The following PHF14 variants were observed in gnomAD, a reference collection of about 807,000 sequenced individuals.
PHF14 encodes PHD finger protein 14.
PHF14 carries 55 observed loss-of-function variants against 117.9 expected under a neutral mutation model. The ratio of observed to expected loss-of-function variants is 0.47; its 90% CI spans 0.38 to 0.58. PHF14 has a LOEUF of 0.58. Among genes scored for constraint, PHF14 ranks in the 20% least tolerant of loss-of-function variants. The pLI is 0.00. For missense variants in PHF14, 978 were observed against 1,122.2 expected (o/e 0.87, Z 1.84); for synonymous variants, 409 against 368.6 (o/e 1.11, Z -1.26).
At chr7:11,105,375 C>T in intron 16 of PHF14, 1 of 952,158 alleles carries the variant, frequency 1.1e-6, no homozygotes, top group Non-Finnish European at 1.3e-6. Context: ...TTAATGAAAA[C>T]CACTGGTTTT....
At chr7:11,087,361 T>TACTAAATAGCTGGCATATACTAAAAATTA in intron 16 of PHF14, among the ~76,000 whole-genome samples, 1 of 152,164 alleles carries the variant, frequency 6.6e-6, no homozygotes, top group Non-Finnish European at 1.5e-5. Flanking sequence ...CCAGCTAATT[T>TACTAAATAGCTGGCATATACTAAAAATTA]TTATATTTTT....
rs1048100754 is a variant in PHF14, at chr7:11,104,799, C to T, written c.2655-6551C>T. 20 of 703,448 alleles carry T rather than the reference C, an allele frequency of 2.8e-5. No individual in the cohort carries two copies. The South Asian group carries it at 1.1e-3, about 39-fold the overall frequency. 43.6% of individuals were successfully genotyped at this position (703,448 alleles called of 1,614,324 possible). A position where few individuals can be genotyped will look rare whatever the true frequency, so the allele number is the denominator to read the frequency against. ...AGTTTCTGATTTAGTAGAAAATTTG[C>T]ATTTCTAACAAGTTCCCAGCTGATG... On this transcript the variant is annotated intron_variant, in intron 16 of 17. Transcript: ENST00000634607.
Position 10,982,860 on chromosome 7 carries a change from A to G in PHF14, c.601A>G (p.Asn201Asp). ...LLDFVSMEELNDMDDYDSEDD... is the reference protein window; with the variant it reads ...LLDFVSMEELDDMDDYDSEDD... ...GGATTTTGTGTCCATGGAAGAGCTG[A>G]ATGACATGGATGACTATGACAGTGA... Residue 201 changes from asparagine to aspartate, a missense_variant, in exon 3 of 18, where the codon AAT becomes GAT. Asn to Asp is a conservative substitution (Grantham distance 23, BLOSUM62 1). Coordinates refer to ENST00000634607, the MANE Select transcript of PHF14 (RefSeq NM_001007157.2). 6.2e-7 allele frequency: 1 copy of G among 1,613,796 alleles called. No homozygotes were observed. The highest frequency in any genetic ancestry group is 1.1e-5 in the South Asian group (1 of 91,068).
rs116353334 is a variant in PHF14, at chr7:11,121,729, A to G, written c.2772+10262A>G. 6.5e-3 allele frequency among the ~76,000 whole-genome samples: 983 copies of G among 152,242 alleles called. 14 individuals carry two copies. Among genetic ancestry groups the G allele is most frequent in the African/African-American group, 0.021 (874 of 41,548 alleles). ...CTAACGAGCAGGTAGCACATACAGT[A>G]TGGACATATTCTGGGCAAAGGAATG... On this transcript the variant is annotated intron_variant, in intron 17 of 17. Coordinates refer to ENST00000634607, the MANE Select transcript of PHF14 (RefSeq NM_001007157.2).
chr7:11,020,918 T>C (rs1002823899), intron 5 of PHF14, among the ~76,000 whole-genome samples: 1 of 152,160 alleles, frequency 6.6e-6, no homozygotes, highest in African/African-American at 2.4e-5. Flanking sequence ...CTTTATAACT[T>C]CCAAACTACC....
chr7:11,038,945 TAACCGAAG>T (rs1784410181), intron 11 of PHF14, 90 bp downstream of exon 11: 2 of 535,316 alleles, frequency 3.7e-6, no homozygotes. Context: ...GTCATTTGAC[TAACCGAAG>T]AATTCTGTTT....
At position 11,043,061 on chromosome 7, in the gene PHF14, C is replaced by T. The variant is rs556920887; in HGVS notation, c.2312+247C>T. Among the ~76,000 whole-genome samples, 8 of 151,962 alleles carry T rather than the reference C, an allele frequency of 5.3e-5. No homozygotes were observed. In the South Asian group the frequency reaches 1.7e-3, roughly 32 times the overall value. Reference sequence around the variant, plus strand: ...TTTAAGGCATGAATTCTGTCCATTGCTTATAATTCTCTTGTTTTATTGTTC... The same window carrying T: ...TTTAAGGCATGAATTCTGTCCATTGTTTATAATTCTCTTGTTTTATTGTTC... On this transcript the variant is annotated intron_variant, in intron 13 of 17. Coordinates refer to ENST00000634607, the MANE Select transcript of PHF14 (RefSeq NM_001007157.2).
intron 13 of PHF14, among the ~76,000 whole-genome samples, chr7:11,043,455 T>A (rs949454816): frequency 3.9e-5 from 6 of 152,114 alleles, no homozygotes; most frequent in Admixed American, 2.0e-4. Flanking sequence ...AGGAAAACTT[T>A]GGAATGAACA....
At chr7:11,114,485 G>A (rs1173790572) in intron 17 of PHF14, among the ~76,000 whole-genome samples, 2 of 152,018 alleles carry the variant, frequency 1.3e-5, no homozygotes, top group East Asian at 1.9e-4. Flanking sequence ...CATCATATCT[G>A]AATTCATAAT....
chr7:11,144,270 G>A (rs1363744200), intron 17 of PHF14, among the ~76,000 whole-genome samples: 1 of 152,036 alleles, frequency 6.6e-6, no homozygotes, highest in Non-Finnish European at 1.5e-5. Context: ...TGGTGGTAAT[G>A]TAAATTCATG....
chr7:11,043,426 G>A (rs894906864), intron 13 of PHF14, among the ~76,000 whole-genome samples: 6 of 151,934 alleles, frequency 3.9e-5, no homozygotes, highest in Admixed American at 2.6e-4. Flanking sequence ...ATTTCTCATA[G>A]GAAGGAGAAT....
intron 6 of PHF14, among the ~76,000 whole-genome samples, chr7:11,027,483 C>T (rs1783965205): frequency 1.3e-5 from 2 of 151,884 alleles, no homozygotes; most frequent in African/African-American, 4.8e-5. Flanking sequence ...ATTTCTGTTA[C>T]CAGAGTAGTT....
At chr7:11,168,513 CAG>C (rs1230455143) in intron 17 of PHF14, among the ~76,000 whole-genome samples, 13 of 152,188 alleles carry the variant, frequency 8.5e-5, no homozygotes, top group African/African-American at 3.1e-4. Flanking sequence ...TCATCAGATA[CAG>C]AGATAGAGTG....
intron 4 of PHF14, among the ~76,000 whole-genome samples, chr7:10,997,520 A>T (rs1004754802): frequency 3.9e-5 from 6 of 152,232 alleles, no homozygotes; most frequent in Admixed American, 1.3e-4. Flanking sequence ...ATTATTTCAC[A>T]TGATTTCTAA....
Position 11,023,569 on chromosome 7 carries a change from G to C in PHF14, c.1317+590G>C, listed in dbSNP as rs543036128. 6.6e-5 allele frequency among the ~76,000 whole-genome samples: 10 copies of C among 152,318 alleles called. No individual in the cohort carries two copies. In the South Asian group the frequency reaches 2.1e-3, roughly 32 times the overall value. On this transcript the variant is annotated intron_variant, in intron 6 of 17. Coordinates refer to ENST00000634607, the MANE Select transcript of PHF14 (RefSeq NM_001007157.2). Reference sequence around the variant, plus strand: ...CAATTAGGGCTGGGTGCTCACGCCTGTTATCCCAGCACTTCGGGAGGCCAA... The same window carrying C: ...CAATTAGGGCTGGGTGCTCACGCCTCTTATCCCAGCACTTCGGGAGGCCAA...
intron 4 of PHF14, among the ~76,000 whole-genome samples, chr7:11,000,916 G>A (rs1782847638): frequency 6.6e-6 from 1 of 151,880 alleles, no homozygotes. Context: ...TTTTGGTCTT[G>A]TATCTAAAAA....
chr7:11,061,767 G>T lies in PHF14; in HGVS notation c.2482-24G>T, dbSNP rs28631230. On this transcript the variant is annotated intron_variant, in intron 14 of 17. Transcript: ENST00000634607. ...GATATACTGTGGATTTTTGTTTTTTGTTTTTTTTTTTGTTTTTTTCCAGAG... is the reference window on the plus strand; with the variant it reads ...GATATACTGTGGATTTTTGTTTTTTTTTTTTTTTTTTGTTTTTTTCCAGAG... 5.6e-5 allele frequency: 65 copies of T among 1,157,514 alleles called. No individual in the cohort carries two copies. In the African/African-American group the frequency reaches 7.8e-4, roughly 14 times the overall value. The allele number at this position is 1,157,514 out of a possible 1,614,324, so 71.7% of individuals were successfully genotyped here.
chr7:11,090,352 G>A (rs1255349725), intron 16 of PHF14, among the ~76,000 whole-genome samples: 1 of 152,130 alleles, frequency 6.6e-6, no homozygotes, highest in Admixed American at 6.5e-5. Context: ...GCCTACAAAG[G>A]ACTAAATCAA....
intron 7 of PHF14, among the ~76,000 whole-genome samples, chr7:11,034,560 TTTTTTTG>T (rs1784246117): frequency 7.2e-6 from 1 of 139,828 alleles, no homozygotes; most frequent in Non-Finnish European, 1.5e-5. Flanking sequence ...TTTTTTTTTT[TTTTTTTG>T]AGACAGACTG....
Sources: allele counts gnomAD v4.1 joint callset (sites outside exome capture counted in the v4.1 genomes callset), GRCh38; gene constraint gnomAD v4.1.1; transcripts MANE v1.5; gene names NCBI Gene and HGNC (gene_info 2026-07-23, HGNC 2026-07-21).